GREB1L: variants seen among roughly 807,000 people sequenced by gnomAD.
The protein encoded by GREB1L is GREB1-like protein.
GREB1L carries 17 observed loss-of-function variants against 200.8 expected under a neutral mutation model. The observed-to-expected ratio is 0.08, with a 90% CI of 0.06 to 0.13. GREB1L has a LOEUF of 0.13. Among genes scored for constraint, GREB1L ranks in the 10% least tolerant of loss-of-function variants. The pLI is 1.00. For missense variants in GREB1L, 1,657 were observed against 2,367.7 expected, an observed-to-expected ratio of 0.70 and a Z score of 6.23; for synonymous variants, 789 against 893.0, an observed-to-expected ratio of 0.88 and a Z score of 2.08.
At chr18:21,401,362 G>T in intron 6 of GREB1L, 36 bp downstream of exon 6, 1 of 1,501,822 alleles carries the variant, frequency 6.7e-7, no homozygotes. Context: ...GGAGGGAATG[G>T]AGATTTTACG....
At chr18:21,510,346 A>G (rs1253272688) in intron 27 of GREB1L, among the ~76,000 whole-genome samples, 2 of 152,050 alleles carry the variant, frequency 1.3e-5, no homozygotes, top group Non-Finnish European at 2.9e-5. Context: ...CTCTATACCC[A>G]TTAAACAACT....
intron 7 of GREB1L, among the ~76,000 whole-genome samples, chr18:21,424,096 C>G (rs1798711829): frequency 6.6e-6 from 1 of 152,062 alleles, no homozygotes; most frequent in African/African-American, 2.4e-5. Flanking sequence ...TCCACTAGAG[C>G]CTCTCCTGAA....
At chr18:21,333,675 CAAA>C (rs36089817) in intron 1 of GREB1L, among the ~76,000 whole-genome samples, 11 of 108,788 alleles carry the variant, frequency 1.0e-4, no homozygotes, top group Admixed American at 9.4e-5. Context: ...AACTCTGTCT[CAAA>C]AAAAAAAAAA....
rs1379057601 is a variant in GREB1L, at chr18:21,496,455, T to A, written c.3148T>A (p.Ser1050Thr). The stretch of plus-strand genomic sequence containing the variant: ...AACAACACAATTACTTTTGTTCAGG[T>A]CTTTGAAGTACTGTGACCTCCGGTT... ...KDPLGETFPRSLKYCDLRLID... is the reference protein window; with the variant it reads ...KDPLGETFPRTLKYCDLRLID... The change falls in exon 21 of 33, where the codon TCT becomes ACT. Residue 1050 changes from serine (S) to threonine (T), a missense_variant and splice_region_variant. Physicochemically the swap from Ser to Thr is moderately conservative, Grantham distance 58. This residue lies in a region of GREB1L where 512 missense variants were observed against 668.3 expected (regional missense o/e 0.77). Transcript: ENST00000424526. 16 of 1,551,520 alleles carry A rather than the reference T, an allele frequency of 1.0e-5. No individual in the cohort carries two copies. In the South Asian group the frequency reaches 1.2e-4, roughly 12 times the overall value.
At chr18:21,249,723 C>T (rs892010844) in intron 1 of GREB1L, among the ~76,000 whole-genome samples, 3 of 151,834 alleles carry the variant, frequency 2.0e-5, no homozygotes, top group East Asian at 1.9e-4. Context: ...AGCCAGGCAT[C>T]GTGGTGTATG....
At chr18:21,432,660 A>G (rs898969230) in intron 7 of GREB1L, among the ~76,000 whole-genome samples, 1 of 142,642 alleles carries the variant, frequency 7.0e-6, no homozygotes, top group Admixed American at 6.8e-5. Context: ...TGATTTTCGT[A>G]AGTTTTTTTT....
intron 1 of GREB1L, among the ~76,000 whole-genome samples, chr18:21,327,395 C>T (rs1673691648): frequency 6.6e-6 from 1 of 152,130 alleles, no homozygotes; most frequent in African/African-American, 2.4e-5. Context: ...ACTCAGCATC[C>T]TACGTAAGCC....
chr18:21,292,615 C>T (rs1322967142), intron 1 of GREB1L, among the ~76,000 whole-genome samples: 1 of 152,120 alleles, frequency 6.6e-6, no homozygotes, highest in Non-Finnish European at 1.5e-5. Flanking sequence ...CATGTGTCGC[C>T]CTTTGTGTCT....
chr18:21,295,086 T>C (rs1222367627), intron 1 of GREB1L, among the ~76,000 whole-genome samples: 1 of 152,232 alleles, frequency 6.6e-6, no homozygotes, highest in African/African-American at 2.4e-5. Context: ...AAGAATTTCA[T>C]GAACTCAGAT....
chr18:21,495,592 TC>T, intron 19 of GREB1L, 77 bp from the exon 20 acceptor site: 1 of 753,476 alleles, frequency 1.3e-6, no homozygotes, highest in Non-Finnish European at 2.3e-6. Flanking sequence ...GTGTCTAAAA[TC>T]TGGACTCAGA....
chr18:21,392,453 T>C (rs1428671789), intron 4 of GREB1L, among the ~76,000 whole-genome samples: 2 of 152,192 alleles, frequency 1.3e-5, no homozygotes, highest in African/African-American at 2.4e-5. Flanking sequence ...TCCAAATAAA[T>C]ATAAATGATA....
intron 27 of GREB1L, among the ~76,000 whole-genome samples, chr18:21,513,207 C>T (rs978636754): frequency 4.6e-5 from 7 of 152,178 alleles, no homozygotes; most frequent in African/African-American, 1.4e-4. Context: ...GACAGTTTGG[C>T]TCCTGTCTCT....
intron 1 of GREB1L, among the ~76,000 whole-genome samples, chr18:21,314,199 T>A (rs1417488585): frequency 6.6e-6 from 1 of 152,234 alleles, no homozygotes; most frequent in Non-Finnish European, 1.5e-5. Flanking sequence ...AACTCCAAGT[T>A]GCTATGGTGA....
At chr18:21,441,675 C>T (rs2033911604) in intron 10 of GREB1L, 138 bp downstream of exon 10, 6 of 866,354 alleles carry the variant, frequency 6.9e-6, no homozygotes, top group East Asian at 2.7e-5. Flanking sequence ...TCAGCTCTTT[C>T]ATGCTATATT....
chr18:21,273,624 G>A (rs2038114208), intron 1 of GREB1L, among the ~76,000 whole-genome samples: 1 of 152,150 alleles, frequency 6.6e-6, no homozygotes, highest in Admixed American at 6.5e-5. Flanking sequence ...TAGACTAACT[G>A]GGAGTTCATA....
intron 1 of GREB1L, among the ~76,000 whole-genome samples, chr18:21,280,105 C>T (rs561824688): frequency 1.3e-5 from 2 of 152,286 alleles, no homozygotes; most frequent in African/African-American, 4.8e-5. Context: ...GGTTTTGACA[C>T]ATACATAGTT....
At chr18:21,428,332 C>CTTTTTTTTTTTTTTTTTTTTT (rs59982674) in intron 7 of GREB1L, among the ~76,000 whole-genome samples, 17 of 54,034 alleles carry the variant, frequency 3.1e-4, no homozygotes, top group East Asian at 6.8e-4. Flanking sequence ...GTCTTTTTGT[C>CTTTTTTTTTTTTTTTTTTTTT]TTTTTTTTTT....
chr18:21,336,462 T>C (rs537679286), intron 1 of GREB1L, among the ~76,000 whole-genome samples: 1 of 152,244 alleles, frequency 6.6e-6, no homozygotes, highest in South Asian at 2.1e-4. Context: ...CATTATTATA[T>C]AGCAATAAGC....
chr18:21,513,468 A>G (rs1195470869), intron 27 of GREB1L, among the ~76,000 whole-genome samples: 1 of 152,220 alleles, frequency 6.6e-6, no homozygotes, highest in Non-Finnish European at 1.5e-5. Flanking sequence ...AAACAGTAAC[A>G]GCATTTCCTA....
Sources: allele counts gnomAD v4.1 joint callset (sites outside exome capture counted in the v4.1 genomes callset), GRCh38; gene constraint gnomAD v4.1.1; regional missense constraint gnomAD v4.1.1; transcripts MANE v1.5; gene names NCBI Gene and HGNC (gene_info 2026-07-23, HGNC 2026-07-21).